Variants in KCNG3 observed in about 807,000 individuals in gnomAD.
KCNG3 encodes the protein potassium voltage-gated channel modifier subfamily G member 3, also known as voltage-gated potassium channel regulatory subunit KCNG3.
In KCNG3, 15 loss-of-function variants were observed where a neutral mutation model predicts 29.0. That is an observed-to-expected ratio of 0.52 (90% CI 0.35 to 0.80). The LOEUF (loss-of-function observed/expected upper bound fraction) is 0.80, where lower values mean the gene tolerates loss of function less well. Among genes scored for constraint, KCNG3 ranks in the 30% least tolerant of loss-of-function variants. The probability of loss-of-function intolerance (pLI) is 0.01; values close to 1 mark genes in which losing one functional copy is unlikely to be tolerated. For missense variants in KCNG3, 512 were observed against 605.7 expected, an observed-to-expected ratio of 0.85 and a Z score of 1.62; for synonymous variants, 322 against 248.9, an observed-to-expected ratio of 1.29 and a Z score of -2.76.
chr2:42,434,022 T>G, the KCNG3 span, among the ~76,000 whole-genome samples: 1 of 152,230 alleles, frequency 6.6e-6, no homozygotes, highest in Admixed American at 6.5e-5. Context: ...AGGCACCTCA[T>G]ATTCATAGAT....
the KCNG3 span, among the ~76,000 whole-genome samples, chr2:42,392,494 G>C: frequency 6.6e-6 from 1 of 152,082 alleles, no homozygotes; most frequent in East Asian, 1.9e-4. Context: ...GTGCACAGCT[G>C]TTACTGAAAC....
the KCNG3 span, among the ~76,000 whole-genome samples, chr2:42,388,873 T>C: frequency 3.3e-5 from 5 of 152,166 alleles, no homozygotes; most frequent in Admixed American, 6.6e-5. Flanking sequence ...CACATAATTT[T>C]TTTTTTGAAT....
At chr2:42,414,829 T>C in the KCNG3 span, among the ~76,000 whole-genome samples, 1 of 152,214 alleles carries the variant, frequency 6.6e-6, no homozygotes, top group African/African-American at 2.4e-5. Context: ...TTCAAATATG[T>C]CCAGCCTAGA....
chr2:42,403,273 C>T, the KCNG3 span, among the ~76,000 whole-genome samples: 1 of 151,786 alleles, frequency 6.6e-6, no homozygotes, highest in Non-Finnish European at 1.5e-5. Flanking sequence ...TTCCGAGTAG[C>T]TGGGACTACA....
chr2:42,483,984 T>A (rs1001992764), intron 1 of KCNG3, among the ~76,000 whole-genome samples: 1 of 152,164 alleles, frequency 6.6e-6, no homozygotes, highest in Non-Finnish European at 1.5e-5. Flanking sequence ...GATTTCGCCA[T>A]GTTGCCCAGG....
At chr2:42,447,819 G>A (rs1340301458) in intron 1 of KCNG3, among the ~76,000 whole-genome samples, 1 of 152,090 alleles carries the variant, frequency 6.6e-6, no homozygotes, top group African/African-American at 2.4e-5. Context: ...TTACAGGCAT[G>A]AGCCCAGCCA....
intron 1 of KCNG3, among the ~76,000 whole-genome samples, chr2:42,483,690 A>C (rs1222465649): frequency 6.6e-6 from 1 of 152,258 alleles, no homozygotes; most frequent in Non-Finnish European, 1.5e-5. Flanking sequence ...TCATCAGATG[A>C]GACATTTATT....
chr2:42,455,102 A>C (rs775920673), intron 1 of KCNG3, among the ~76,000 whole-genome samples: 2 of 152,216 alleles, frequency 1.3e-5, no homozygotes, highest in Non-Finnish European at 2.9e-5. Context: ...ATGGAATACA[A>C]ATCTATGCCC....
the KCNG3 span, among the ~76,000 whole-genome samples, chr2:42,432,036 CAAAAAAA>C: frequency 4.1e-4 from 47 of 113,656 alleles, no homozygotes; most frequent in Middle Eastern, 5.4e-3. Flanking sequence ...AAGACTCTAT[CAAAAAAA>C]AAAAAAAAAA....
chr2:42,476,280 T>C (rs1673423010), intron 1 of KCNG3, among the ~76,000 whole-genome samples: 1 of 150,874 alleles, frequency 6.6e-6, no homozygotes, highest in African/African-American at 2.4e-5. Context: ...GAGACCAGCC[T>C]GGGCAACATA....
the KCNG3 span, among the ~76,000 whole-genome samples, chr2:42,417,257 T>A: frequency 2.6e-5 from 4 of 152,098 alleles, no homozygotes; most frequent in Non-Finnish European, 5.9e-5. Context: ...AATAAAAAAA[T>A]AATTTTTTTT....
chr2:42,472,626 G>A (rs769706158), intron 1 of KCNG3, among the ~76,000 whole-genome samples: 5 of 151,412 alleles, frequency 3.3e-5, no homozygotes, highest in Non-Finnish European at 4.4e-5. Context: ...AGCCTCCCCA[G>A]TAGCTGGGAC....
chr2:42,478,991 G>A (rs963117238), intron 1 of KCNG3, among the ~76,000 whole-genome samples: 3 of 139,706 alleles, frequency 2.1e-5, no homozygotes, highest in Admixed American at 1.5e-4. Context: ...TGGAGTATTT[G>A]CATAATACCA....
chr2:42,435,031 A>C, the KCNG3 span, among the ~76,000 whole-genome samples: 1 of 152,202 alleles, frequency 6.6e-6, no homozygotes, highest in Admixed American at 6.5e-5. Context: ...GGCTGGGCGC[A>C]GTGGCTCATG....
the KCNG3 span, among the ~76,000 whole-genome samples, chr2:42,412,280 T>A: frequency 1.3e-5 from 2 of 152,356 alleles, no homozygotes; most frequent in African/African-American, 4.8e-5. Context: ...TGCCAGAAAC[T>A]GTTACAAGCA....
rs1301024417 is a variant in KCNG3 at position 42,443,784 on chromosome 2, T to C, written c.*150A>G. ...TCTATTTACTCCATAACAAGTAAAC[T>C]GTTTTATCCCTTCGGCTGGGAAGGA... is the stretch of plus-strand genomic sequence containing the variant. On this transcript the variant is annotated 3_prime_UTR_variant, in exon 2 of 2. Transcript: ENST00000306078. The C allele has an allele frequency of 1.5e-6, 1 of 670,208 alleles. No individual in the cohort carries two copies. The highest frequency in any genetic ancestry group is 2.8e-5 in the East Asian group (1 of 36,360). The allele number at this position is 670,208 out of a possible 1,614,324, so 41.5% of individuals were successfully genotyped here. A position where few individuals can be genotyped will look rare whatever the true frequency, so the allele number is the denominator to read the frequency against.
the KCNG3 span, among the ~76,000 whole-genome samples, chr2:42,405,739 C>A: frequency 2.0e-5 from 3 of 152,124 alleles, no homozygotes; most frequent in Non-Finnish European, 4.4e-5. Flanking sequence ...TCCCAAGTAG[C>A]TGGGACTACA....
At chr2:42,447,056 C>A (rs1049702083) in intron 1 of KCNG3, among the ~76,000 whole-genome samples, 1 of 144,364 alleles carries the variant, frequency 6.9e-6, no homozygotes, top group Non-Finnish European at 1.5e-5. Context: ...TGCACTCTCA[C>A]CTGTGTGACA....
intron 1 of KCNG3, among the ~76,000 whole-genome samples, chr2:42,471,760 T>C (rs978066046): frequency 2.6e-5 from 4 of 151,812 alleles, no homozygotes; most frequent in African/African-American, 9.7e-5. Flanking sequence ...GGCTCATGCC[T>C]GTAATCCCAG....
Sources: gnomAD v4.1 joint callset for allele counts (sites outside exome capture counted in the v4.1 genomes callset) on GRCh38, gnomAD v4.1.1 for gene constraint, MANE v1.5 for transcripts, NCBI Gene and HGNC (gene_info 2026-07-23, HGNC 2026-07-21) for gene names.